The following TNC variants were observed in gnomAD, a reference collection of about 807,000 sequenced individuals.
TNC encodes the protein tenascin.
Under a neutral mutation model 202.4 loss-of-function variants are expected in TNC, and 109 were observed. That is an observed-to-expected ratio of 0.54 (90% CI 0.46 to 0.63). The LOEUF is 0.63. TNC is among the 30% of genes least tolerant of loss of function. The pLI is 0.00. For missense variants in TNC, 2,756 were observed against 2,833.3 expected, an observed-to-expected ratio of 0.97 and a Z score of 0.62; for synonymous variants, 1,007 against 1,089.7, an observed-to-expected ratio of 0.92 and a Z score of 1.50.
chr9:115,087,516 T>C (rs1834863361), intron 2 of TNC, among the ~76,000 whole-genome samples: 2 of 141,218 alleles, frequency 1.4e-5, no homozygotes, highest in South Asian at 2.4e-4. Flanking sequence ...CAGTGTGTGA[T>C]TATGCATAGG....
chr9:115,033,791 G>A (rs1314673542), intron 22 of TNC, among the ~76,000 whole-genome samples: 1 of 152,184 alleles, frequency 6.6e-6, no homozygotes, highest in Non-Finnish European at 1.5e-5. Context: ...AATGGGAGAG[G>A]AGACAGCAAC....
intron 18 of TNC, 93 bp from the exon 19 acceptor site, chr9:115,041,177 G>A: frequency 4.3e-6 from 6 of 1,390,426 alleles, no homozygotes; most frequent in African/African-American, 1.4e-5. Flanking sequence ...ATTTAGAAAT[G>A]AAACTATATC....
In TNC at chr9:115,091,136, T is replaced by C; in HGVS notation, c.-118A>G. 1.3e-6 allele frequency: 1 copy of C among 766,218 alleles called. No individual in the cohort carries two copies. The highest frequency in any genetic ancestry group is 2.9e-5 in the Admixed American group (1 of 34,758). 47.5% of individuals were successfully genotyped at this position (766,218 alleles called of 1,614,324 possible). ...GACTTCAAATCAGTTGTCCCTGATC[T>C]TCTTGAAAGAATTATTTTCTACAAG... On this transcript the variant is annotated 5_prime_UTR_variant, in exon 2 of 28. Coordinates refer to ENST00000350763, the MANE Select transcript of TNC (RefSeq NM_002160.4).
At chr9:115,102,467 C>A (rs976823861) in intron 1 of TNC, among the ~76,000 whole-genome samples, 2 of 152,156 alleles carry the variant, frequency 1.3e-5, no homozygotes, top group African/African-American at 4.8e-5. Context: ...CTTCTAGAAG[C>A]CTTTTTGCCA....
intron 22 of TNC, among the ~76,000 whole-genome samples, chr9:115,032,770 C>T (rs1830044847): frequency 6.6e-6 from 1 of 152,220 alleles, no homozygotes; most frequent in Non-Finnish European, 1.5e-5. Context: ...ATATCCATGA[C>T]AGACAGATGT....
chr9:115,104,544 G>T (rs955467970), intron 1 of TNC, among the ~76,000 whole-genome samples: 4 of 152,146 alleles, frequency 2.6e-5, no homozygotes, highest in Non-Finnish European at 5.9e-5. Flanking sequence ...GGGAGCCTTG[G>T]ACAACGTCCT....
chr9:115,091,189 T>C, intron 1 of TNC, 35 bp from the exon 2 acceptor site: 1 of 607,612 alleles, frequency 1.6e-6, no homozygotes, highest in Admixed American at 2.9e-5. Flanking sequence ...ATTATGAGTA[T>C]CTACTATTGA....
intron 17 of TNC, among the ~76,000 whole-genome samples, chr9:115,042,887 A>G (rs1044977629): frequency 6.6e-6 from 1 of 152,204 alleles, no homozygotes; most frequent in Admixed American, 6.5e-5. Context: ...AGCCAAGCAC[A>G]GCCTGGAATC....
chr9:115,085,309 T>C (rs187949710), intron 3 of TNC, among the ~76,000 whole-genome samples: 24 of 152,268 alleles, frequency 1.6e-4, no homozygotes, highest in Non-Finnish European at 2.5e-4. Context: ...AAAAGACAGG[T>C]CAATCTTGTA....
At chr9:115,113,843 A>G (rs1311719074) in intron 1 of TNC, among the ~76,000 whole-genome samples, 3 of 152,204 alleles carry the variant, frequency 2.0e-5, no homozygotes, top group African/African-American at 4.8e-5. Flanking sequence ...CTTTTATTCC[A>G]TGATGAAGGG....
rs201331420 is a variant in TNC, at chr9:115,090,576, A to G, written c.443T>C (p.Leu148Pro). 9.1e-5 allele frequency: 144 copies of G among 1,574,202 alleles called. 1 individual carries two copies. In the East Asian group the frequency reaches 3.2e-3, roughly 35 times the overall value. ...EQCTAGAGCC[L>P]QPATGRLDTR... ...CCAGCTCATACCTGTGGCAGGCTGG[A>G]GACAGCAGCCTGCTCCTGCAGTACA... The change falls in exon 2 of 28, where the codon CTC becomes CCC. Residue 148 changes from leucine (L) to proline (P), a missense_variant. Physicochemically the swap from Leu to Pro is moderately conservative, Grantham distance 98 (BLOSUM62 -3). Transcript: ENST00000350763.
intron 1 of TNC, among the ~76,000 whole-genome samples, chr9:115,105,133 C>T (rs1244472311): frequency 6.6e-6 from 1 of 152,164 alleles, no homozygotes; most frequent in African/African-American, 2.4e-5. Flanking sequence ...AATAAAGTCT[C>T]ATACATTTTG....
chr9:115,098,350 A>C (rs1835951346), intron 1 of TNC, among the ~76,000 whole-genome samples: 1 of 152,152 alleles, frequency 6.6e-6, no homozygotes, highest in African/African-American at 2.4e-5. Context: ...TTGCTGTCAA[A>C]TCCTTCTTTT....
rs1829843533 is a variant in TNC, at chr9:115,030,235, A to C, written c.6072+19T>G. 1.1e-5 allele frequency: 17 copies of C among 1,594,594 alleles called. No individual in the cohort carries two copies. Among genetic ancestry groups the C allele is most frequent in the East Asian group, 2.3e-5 (1 of 44,378 alleles). On this transcript the variant is annotated intron_variant, in intron 24 of 27. Transcript: ENST00000350763. ...CTTCCCCTAGGCCTGAGGGCTCTGC[A>C]GTCCCTGGTGGTACTCACAATCCAT...
chr9:115,043,926 T>C (rs1830972646), intron 17 of TNC, among the ~76,000 whole-genome samples: 3 of 152,198 alleles, frequency 2.0e-5, no homozygotes, highest in Admixed American at 2.0e-4. Context: ...GGTAAAGAAA[T>C]TCTGCTAAAT....
chr9:115,097,548 G>A (rs1835890925), intron 1 of TNC, among the ~76,000 whole-genome samples: 1 of 152,154 alleles, frequency 6.6e-6, no homozygotes, highest in Non-Finnish European at 1.5e-5. Context: ...CAAAAAAGTG[G>A]TATTTGAGAT....
chr9:115,113,168 T>A (rs116241737), intron 1 of TNC, among the ~76,000 whole-genome samples: 60,769 of 151,698 alleles, frequency 0.4, 12,458 homozygotes, highest in Admixed American at 0.51. Flanking sequence ...AAAGACAAGC[T>A]TTTGTGTCTT....
Position 115,059,895 on chromosome 9 carries a change from C to T in TNC, c.4141G>A (p.Val1381Met). Reference sequence around the variant, plus strand: ...GCCTCCACTTTGTTGACCTCCTGCACCTGAATGACAAAGTGCTCATAGGCA... The same window carrying T: ...GCCTCCACTTTGTTGACCTCCTGCATCTGAATGACAAAGTGCTCATAGGCA... ...DNAYEHFVIQ[V>M]QEVNKVEAAQ... Residue 1381 changes from valine to methionine, a missense_variant, in exon 14 of 28, where the codon GTG (valine) becomes ATG (methionine). By Grantham distance (21) the Val-to-Met change is conservative. This residue lies in a region of TNC where 2,559 missense variants were observed against 2,546.0 expected (regional missense o/e 1.01). Coordinates refer to ENST00000350763, the MANE Select transcript of TNC (RefSeq NM_002160.4). The T allele has an allele frequency of 6.2e-7, 1 of 1,614,126 alleles. No homozygotes were observed.
chr9:115,078,338 TTGCC>T (rs1164562288), intron 6 of TNC, 126 bp from the exon 7 acceptor site: 1 of 1,163,552 alleles, frequency 8.6e-7, no homozygotes, highest in Non-Finnish European at 1.2e-6. Flanking sequence ...TGACTTTACT[TTGCC>T]TTTCTGAACC....
Sources: gnomAD v4.1 joint callset for allele counts (sites outside exome capture counted in the v4.1 genomes callset) on GRCh38, gnomAD v4.1.1 for gene constraint, gnomAD v4.1.1 regional missense constraint, MANE v1.5 for transcripts, NCBI Gene and HGNC (gene_info 2026-07-23, HGNC 2026-07-21) for gene names.